Variants in GPC3 observed in about 807,000 individuals in gnomAD.
The protein encoded by GPC3 is glypican 3.
GPC3 carries 3 observed loss-of-function variants against 34.4 expected under a neutral mutation model. The observed-to-expected ratio is 0.09, with a 90% CI of 0.04 to 0.23. The LOEUF is 0.23. Ranked by LOEUF, GPC3 falls within the 10% of genes least tolerant of loss-of-function variation. GPC3 has a pLI of 1.00. For missense variants in GPC3, 351 were observed against 445.6 expected, an observed-to-expected ratio of 0.79 and a Z score of 1.91; for synonymous variants, 177 against 174.0, an observed-to-expected ratio of 1.02 and a Z score of -0.13.
intron 7 of GPC3, among the ~76,000 whole-genome samples, chrX:133,580,430 A>G (rs2069722480): frequency 8.9e-6 from 1 of 112,083 alleles, no homozygotes; most frequent in East Asian, 2.8e-4. Context: ...TTCTCCCAAA[A>G]TATCCATCTT....
intron 2 of GPC3, among the ~76,000 whole-genome samples, chrX:133,769,917 T>G (rs2071896225): frequency 8.9e-6 from 1 of 112,459 alleles, no homozygotes; most frequent in Non-Finnish European, 1.9e-5. Context: ...GCAGGGTGCC[T>G]GGCTTAAGAA....
At chrX:133,561,600 G>A (rs2069539523) in intron 7 of GPC3, among the ~76,000 whole-genome samples, 1 of 112,211 alleles carries the variant, frequency 8.9e-6, no homozygotes, top group Non-Finnish European at 1.9e-5. Flanking sequence ...ACTTATTAAA[G>A]GGAAGAAAAG....
At chrX:133,698,018 A>G (rs2071132602) in intron 4 of GPC3, among the ~76,000 whole-genome samples, 1 of 112,412 alleles carries the variant, frequency 8.9e-6, no homozygotes, top group Non-Finnish European at 1.9e-5. Flanking sequence ...CTTTCTCACA[A>G]GTTAGCAGTT....
At chrX:133,660,988 G>C (rs1349474731) in intron 6 of GPC3, among the ~76,000 whole-genome samples, 1 of 110,512 alleles carries the variant, frequency 9.0e-6, no homozygotes, top group Non-Finnish European at 1.9e-5. Context: ...GGGCAACATA[G>C]TGAGACCTCA....
At chrX:133,925,724 G>T (rs1036850191) in intron 2 of GPC3, among the ~76,000 whole-genome samples, 1 of 111,875 alleles carries the variant, frequency 8.9e-6, no homozygotes, top group Non-Finnish European at 1.9e-5. Context: ...ACCATGAGTG[G>T]CTGTTAAATT....
At chrX:133,773,838 G>A (rs1439323406) in intron 2 of GPC3, among the ~76,000 whole-genome samples, 4 of 111,442 alleles carry the variant, frequency 3.6e-5, no homozygotes, top group Non-Finnish European at 7.5e-5. Context: ...TAAACCACCT[G>A]TCATCCTGGA....
chrX:133,725,215 G>A (rs753952651), intron 3 of GPC3, among the ~76,000 whole-genome samples: 1 of 111,892 alleles, frequency 8.9e-6, no homozygotes, highest in South Asian at 3.8e-4. Context: ...ATTCTAAGAA[G>A]GAAAGGTGCT....
chrX:133,545,600 A>T (rs1219193526), intron 7 of GPC3, among the ~76,000 whole-genome samples: 4 of 111,403 alleles, frequency 3.6e-5, no homozygotes, highest in Non-Finnish European at 5.7e-5. Flanking sequence ...GAAATGAGGC[A>T]TTTGCCACCC....
chrX:133,596,629 C>G, intron 6 of GPC3, 30 bp from the exon 7 acceptor site: 2 of 1,192,283 alleles, frequency 1.7e-6, no homozygotes, highest in Non-Finnish European at 2.3e-6. Context: ...AATGCATCAG[C>G]TCTTCATATT....
intron 2 of GPC3, among the ~76,000 whole-genome samples, chrX:133,907,733 C>T (rs1393529385): frequency 1.8e-5 from 2 of 111,099 alleles, no homozygotes; most frequent in Non-Finnish European, 3.8e-5. Context: ...AAAACACCTC[C>T]GTTCATAAAG....
intron 2 of GPC3, among the ~76,000 whole-genome samples, chrX:133,878,352 G>A (rs1006427345): frequency 9.0e-6 from 1 of 110,876 alleles, no homozygotes; most frequent in Non-Finnish European, 1.9e-5. Flanking sequence ...GCTTGAACCT[G>A]GGAAACGGAG....
At chrX:133,748,801 C>T (rs2071632846) in intron 3 of GPC3, among the ~76,000 whole-genome samples, 1 of 111,438 alleles carries the variant, frequency 9.0e-6, no homozygotes, top group Non-Finnish European at 1.9e-5. Context: ...ATATCTTGAC[C>T]CCATTTTATA....
chrX:133,897,201 C>T (rs1397430854), intron 2 of GPC3, among the ~76,000 whole-genome samples: 3 of 101,881 alleles, frequency 2.9e-5, no homozygotes, highest in East Asian at 6.4e-4. Flanking sequence ...CTACCGTGCC[C>T]GGCCTTTTTT....
intron 2 of GPC3, among the ~76,000 whole-genome samples, chrX:133,873,698 A>T (rs770106433): frequency 2.7e-5 from 3 of 111,778 alleles, no homozygotes; most frequent in Non-Finnish European, 3.8e-5. Flanking sequence ...GGATATTGGC[A>T]GGGTGAACTG....
At chrX:133,943,384 T>A in intron 2 of GPC3, among the ~76,000 whole-genome samples, 1 of 112,478 alleles carries the variant, frequency 8.9e-6, no homozygotes, top group Middle Eastern at 4.6e-3. Context: ...TAAGGTTATG[T>A]GAATAGTCTC....
At chrX:133,582,395 G>T (rs1367455588) in intron 7 of GPC3, among the ~76,000 whole-genome samples, 2 of 111,780 alleles carry the variant, frequency 1.8e-5, no homozygotes, top group Non-Finnish European at 3.8e-5. Flanking sequence ...GACTGCTTTT[G>T]AGTGTTTCCC....
chrX:133,565,217 G>A (rs1482356881), intron 7 of GPC3, among the ~76,000 whole-genome samples: 1 of 111,723 alleles, frequency 9.0e-6, no homozygotes, highest in Non-Finnish European at 1.9e-5. Flanking sequence ...CAGCATAGTA[G>A]AGTCTGGCTT....
chrX:133,563,763 T>G (rs1342178374), intron 7 of GPC3, among the ~76,000 whole-genome samples: 1 of 111,755 alleles, frequency 8.9e-6, no homozygotes, highest in Non-Finnish European at 1.9e-5. Context: ...TTCCCAAATT[T>G]TAATCCTCCA....
chrX:133,814,708 C>T (rs1448712991), intron 2 of GPC3, among the ~76,000 whole-genome samples: 1 of 110,595 alleles, frequency 9.0e-6, no homozygotes, highest in Non-Finnish European at 1.9e-5. Context: ...GCTGGGTTTA[C>T]AGGCATACAC....
Sources: allele counts gnomAD v4.1 joint callset (sites outside exome capture counted in the v4.1 genomes callset), GRCh38; gene constraint gnomAD v4.1.1; transcripts MANE v1.5; gene names NCBI Gene and HGNC (gene_info 2026-07-23, HGNC 2026-07-21).